BCAP29: variants seen among roughly 807,000 people sequenced by gnomAD.
The protein encoded by BCAP29 is B cell receptor associated protein 29.
Under a neutral mutation model 31.8 loss-of-function variants are expected in BCAP29, and 34 were observed. The ratio of observed to expected loss-of-function variants is 1.07; its 90% CI spans 0.81 to 1.42. The LOEUF (loss-of-function observed/expected upper bound fraction) is 1.42, where lower values mean the gene tolerates loss of function less well. BCAP29 is among the 40% of genes most tolerant of loss of function. BCAP29 has a pLI of 0.00. For synonymous variants in BCAP29, 104 were observed against 91.3 expected, an observed-to-expected ratio of 1.14 and a Z score of -0.79; for missense variants, 314 against 269.2, an observed-to-expected ratio of 1.17 and a Z score of -1.16.
At chr7:107,617,631 A>G (rs867275720) in intron 7 of BCAP29, among the ~76,000 whole-genome samples, 15 of 152,308 alleles carry the variant, frequency 9.8e-5, no homozygotes, top group Admixed American at 6.5e-5. Flanking sequence ...AGGGGGCCAC[A>G]TATGTAAACT....
chr7:107,587,533 A>G (rs1223165800), intron 3 of BCAP29: 1 of 152,130 alleles, frequency 6.6e-6, no homozygotes, highest in Non-Finnish European at 1.5e-5. Flanking sequence ...TCGTAAATAT[A>G]TATTATCTTT....
At chr7:107,608,442 C>T (rs1040348202) in intron 6 of BCAP29, among the ~76,000 whole-genome samples, 2 of 152,098 alleles carry the variant, frequency 1.3e-5, no homozygotes, top group Non-Finnish European at 2.9e-5. Context: ...CCCTTTGACA[C>T]ATTTCCATTT....
At position 107,580,814 on chromosome 7, in the gene BCAP29, C is replaced by A; in HGVS notation, c.42C>A (p.Ala14=). ...CTGCAGTGGCAACCTTTCTTTATGCCGAAATAGGACTCATTTTAATCTTCT... is the reference window on the plus strand; with the variant it reads ...CTGCAGTGGCAACCTTTCTTTATGCAGAAATAGGACTCATTTTAATCTTCT... The part of the protein sequence containing the change: ...QWAAVATFLY[A]EIGLILIFCL... Residue 14 remains alanine, a synonymous_variant, in exon 2 of 8, where the codon GCC becomes GCA. Coordinates refer to ENST00000005259, the MANE Select transcript of BCAP29 (RefSeq NM_018844.4). 6.3e-7 allele frequency: 1 copy of A among 1,591,244 alleles called. No individual in the cohort carries two copies. The highest frequency in any genetic ancestry group is 8.5e-7 in the Non-Finnish European group (1 of 1,170,656).
chr7:107,591,375 G>T (rs756465351), intron 3 of BCAP29, among the ~76,000 whole-genome samples: 1 of 152,112 alleles, frequency 6.6e-6, no homozygotes, highest in Non-Finnish European at 1.5e-5. Context: ...ATAAAAACAG[G>T]TTAGTGGGCT....
intron 5 of BCAP29, among the ~76,000 whole-genome samples, chr7:107,599,216 T>TAA (rs60442346): frequency 6.7e-4 from 11 of 16,318 alleles, no homozygotes; most frequent in South Asian, 3.0e-3. Flanking sequence ...TATAAATATA[T>TAA]ATATACATAA....
At chr7:107,597,132 A>G (rs1382967475) in intron 5 of BCAP29, among the ~76,000 whole-genome samples, 1 of 152,256 alleles carries the variant, frequency 6.6e-6, no homozygotes. Flanking sequence ...AACAAAGGCC[A>G]TAAGTGAGAA....
At chr7:107,600,732 T>C (rs969446927) in intron 6 of BCAP29, among the ~76,000 whole-genome samples, 1 of 152,260 alleles carries the variant, frequency 6.6e-6, no homozygotes, top group Non-Finnish European at 1.5e-5. Flanking sequence ...ATCTGTGTTG[T>C]AAATACAGAT....
intron 6 of BCAP29, among the ~76,000 whole-genome samples, chr7:107,612,485 TTG>T (rs1473428205): frequency 6.8e-6 from 1 of 147,814 alleles, no homozygotes; most frequent in African/African-American, 2.5e-5. Context: ...GACATATGAC[TTG>T]TAGCTCCTTG....
intron 5 of BCAP29, among the ~76,000 whole-genome samples, chr7:107,599,293 A>ATATTTATATAT (rs1299224433): frequency 3.6e-3 from 151 of 41,900 alleles, no homozygotes; most frequent in East Asian, 9.6e-3. Context: ...TTTTATATAT[A>ATATTTATATAT]AATTATATAT....
At chr7:107,594,202 T>A in intron 4 of BCAP29, 97 bp downstream of exon 4, 2 of 1,081,152 alleles carry the variant, frequency 1.8e-6, no homozygotes, top group Non-Finnish European at 2.6e-6. Context: ...TTTTTTTTTT[T>A]AAGAGAGACA....
intron 3 of BCAP29, among the ~76,000 whole-genome samples, chr7:107,588,325 G>C (rs1808082688): frequency 6.6e-6 from 1 of 152,178 alleles, no homozygotes; most frequent in Non-Finnish European, 1.5e-5. Context: ...GAACTAGATA[G>C]AGGTGGTAGT....
intron 7 of BCAP29, chr7:107,616,469 T>G (rs976076328): frequency 6.6e-6 from 1 of 152,230 alleles, no homozygotes; most frequent in African/African-American, 2.4e-5. Flanking sequence ...CTCAGCTCCA[T>G]AGTTTACCAC....
rs1026480508 is a variant in BCAP29 at position 107,604,814 on chromosome 7, G to GA, written c.589+4319dup. On this transcript the variant is annotated intron_variant, in intron 6 of 7. Coordinates refer to ENST00000005259, the MANE Select transcript of BCAP29 (RefSeq NM_018844.4). Reference sequence around the variant, plus strand: ...ACCTTTGTCCCTTCTTGTATCAACTGAAAAAAAAAACTGCATTAAGAAAGA... The same window carrying GA: ...ACCTTTGTCCCTTCTTGTATCAACTGAAAAAAAAAAACTGCATTAAGAAAGA... 2.4e-3 allele frequency among the ~76,000 whole-genome samples: 341 copies of GA among 143,292 alleles called. 1 individual carries two copies. Among genetic ancestry groups the GA allele is most frequent in the African/African-American group, 7.3e-3 (287 of 39,360 alleles). 94.0% of individuals were successfully genotyped at this position (143,292 alleles called of 152,430 possible).
At chr7:107,584,845 A>G (rs574174460) in intron 3 of BCAP29, among the ~76,000 whole-genome samples, 29 of 152,346 alleles carry the variant, frequency 1.9e-4, no homozygotes, top group African/African-American at 6.7e-4. Context: ...TCAGCAACCT[A>G]TATAGCCTGT....
At chr7:107,615,794 A>T (rs1814020818) in intron 7 of BCAP29, 1 of 172,086 alleles carries the variant, frequency 5.8e-6, no homozygotes, top group South Asian at 1.4e-4. Context: ...TCATTTGTTG[A>T]GAGTATGCTC....
rs186764120 is a variant in BCAP29, at chr7:107,583,998, C to G, written c.193+16C>G. 1,510 of 1,329,164 alleles carry G rather than the reference C, an allele frequency of 1.1e-3. 2 individuals carry two copies. Among genetic ancestry groups the G allele is most frequent in the Non-Finnish European group, 1.4e-3 (1,341 of 965,276 alleles). 82.3% of individuals were successfully genotyped at this position (1,329,164 alleles called of 1,614,324 possible). A position where few individuals can be genotyped will look rare whatever the true frequency, so the allele number is the denominator to read the frequency against. ...CTATTTCTAGGTAAGTACTAGATCC[C>G]TTCTTTGAATAAATATAACTTTTTT... On this transcript the variant is annotated intron_variant, in intron 3 of 7. Coordinates refer to ENST00000005259, the MANE Select transcript of BCAP29 (RefSeq NM_018844.4).
intron 7 of BCAP29, among the ~76,000 whole-genome samples, chr7:107,617,170 A>G (rs925683314): frequency 2.0e-5 from 3 of 152,212 alleles, no homozygotes; most frequent in African/African-American, 4.8e-5. Flanking sequence ...TCTGTTGTCA[A>G]ACTAATCTTA....
chr7:107,595,915 G>C lies in BCAP29; in HGVS notation c.393G>C (p.Leu131=). 1.2e-6 allele frequency: 2 copies of C among 1,601,382 alleles called. No individual in the cohort carries two copies. Among genetic ancestry groups the C allele is most frequent in the South Asian group, 1.1e-5 (1 of 88,250 alleles). The change falls in exon 5 of 8, where the codon CTG becomes CTC. Residue 131 remains leucine (L), a synonymous_variant. Transcript: ENST00000005259. ...TTATTACTCAACTGGCAAAAGAACTGTCAAACAAAGGTGTACTTAAAACTC... is the reference window on the plus strand; with the variant it reads ...TTATTACTCAACTGGCAAAAGAACTCTCAAACAAAGGTGTACTTAAAACTC... ...VTLITQLAKE[L]SNKGVLKTQA...
chr7:107,587,744 CACCAGTAGATATAGAAAATTTAAGCA>C (rs1182141439), intron 3 of BCAP29: 1 of 151,092 alleles, frequency 6.6e-6, no homozygotes, highest in African/African-American at 2.4e-5. Flanking sequence ...ACCAAATGAA[CACCAGTAGATATAGAAAATTTAAGCA>C]GACTAATTTA....
Sources: allele counts gnomAD v4.1 joint callset (sites outside exome capture counted in the v4.1 genomes callset), GRCh38; gene constraint gnomAD v4.1.1; transcripts MANE v1.5; gene names NCBI Gene and HGNC (gene_info 2026-07-23, HGNC 2026-07-21).